CPED1: variants seen among roughly 807,000 people sequenced by gnomAD.
The protein encoded by CPED1 is cadherin like and PC-esterase domain containing 1.
A neutral mutation model predicts 128.2 loss-of-function variants in CPED1; 114 were observed. That is an observed-to-expected ratio of 0.89 (90% CI 0.76 to 1.04). The LOEUF (loss-of-function observed/expected upper bound fraction) is 1.04. CPED1 is among the 50% of genes least tolerant of loss of function. The pLI is 0.00. For synonymous variants in CPED1, 462 were observed against 426.7 expected (o/e 1.08, Z -1.02); for missense variants, 1,211 against 1,207.1 (o/e 1.00, Z -0.05).
intron 16 of CPED1, among the ~76,000 whole-genome samples, chr7:121,199,713 G>GAAAGAA (rs1797352270): frequency 2.3e-5 from 3 of 132,832 alleles, no homozygotes; most frequent in Middle Eastern, 4.0e-3. Context: ...AAGAAAGAAA[G>GAAAGAA]AAAGAAAAGA....
At chr7:121,173,568 C>T (rs1346665928) in intron 16 of CPED1, among the ~76,000 whole-genome samples, 1 of 152,096 alleles carries the variant, frequency 6.6e-6, no homozygotes, top group Non-Finnish European at 1.5e-5. Flanking sequence ...GATATGATCT[C>T]ATTCTTTTTA....
intron 10 of CPED1, 124 bp from the exon 11 acceptor site, chr7:121,128,258 C>T: frequency 3.2e-6 from 2 of 618,274 alleles, no homozygotes; most frequent in South Asian, 4.1e-5. Context: ...TATTATTTAA[C>T]ATTAATTAGC....
chr7:121,091,781 C>T (rs1794576253), intron 5 of CPED1, among the ~76,000 whole-genome samples: 1 of 152,104 alleles, frequency 6.6e-6, no homozygotes, highest in Non-Finnish European at 1.5e-5. Context: ...CTCATGATTA[C>T]ACTTATATAG....
intron 2 of CPED1, among the ~76,000 whole-genome samples, chr7:120,990,632 A>G (rs1796294982): frequency 1.3e-5 from 2 of 152,322 alleles, no homozygotes; most frequent in Non-Finnish European, 2.9e-5. Flanking sequence ...GTAAAACAGA[A>G]CATGAAGAAA....
chr7:121,039,666 C>T (rs1012630962), intron 3 of CPED1, among the ~76,000 whole-genome samples: 12 of 151,920 alleles, frequency 7.9e-5, no homozygotes, highest in African/African-American at 2.9e-4. Flanking sequence ...CATACCCACA[C>T]ATGTATATAG....
intron 3 of CPED1, among the ~76,000 whole-genome samples, chr7:121,027,899 A>G (rs145511592): frequency 6.6e-6 from 1 of 152,100 alleles, no homozygotes; most frequent in Non-Finnish European, 1.5e-5. Context: ...CTTGTTTAAC[A>G]TTCCACCTCC....
intron 5 of CPED1, among the ~76,000 whole-genome samples, chr7:121,081,661 G>A (rs1441154114): frequency 6.6e-6 from 1 of 152,160 alleles, no homozygotes; most frequent in Non-Finnish European, 1.5e-5. Flanking sequence ...TTGCCCAAAA[G>A]GAGGTACTCT....
intron 18 of CPED1, among the ~76,000 whole-genome samples, chr7:121,248,594 C>CAAAAAAAAAAAAAAAAAAAAACA (rs36015608): frequency 8.4e-6 from 1 of 118,464 alleles, no homozygotes; most frequent in African/African-American, 3.5e-5. Flanking sequence ...CCCTGTGAAA[C>CAAAAAAAAAAAAAAAAAAAAACA]AAAAAAAAAA....
In CPED1 at chr7:120,989,584, C is replaced by T. The variant is rs1796274560; in HGVS notation, c.-38C>T. 4 of 1,602,320 alleles carry T rather than the reference C, an allele frequency of 2.5e-6. No individual in the cohort carries two copies. Among genetic ancestry groups the T allele is most frequent in the Non-Finnish European group, 2.6e-6 (3 of 1,174,928 alleles). On this transcript the variant is annotated 5_prime_UTR_variant, in exon 2 of 23. Coordinates refer to ENST00000310396, the MANE Select transcript of CPED1 (RefSeq NM_024913.5). ...AAAAAATAGCTGCTATGACTTTTCCCGCAACGTGGACAGGGGCCAAGTGAA... is the reference window on the plus strand; with the variant it reads ...AAAAAATAGCTGCTATGACTTTTCCTGCAACGTGGACAGGGGCCAAGTGAA...
chr7:121,271,383 C>T lies in CPED1; in HGVS notation c.2821C>T (p.Arg941Cys), dbSNP rs762096946. The change falls in exon 22 of 23, where the codon CGT becomes TGT. Residue 941 changes from arginine (R) to cysteine (C), a missense_variant. Transcript: ENST00000310396. ...VVDTFTITMG[R>C]YKEFLQGKCG... ...TGACACATTCACTATAACAATGGGG[C>T]GTTACAAAGAGTTTCTACAGGGGAA... 29 of 1,612,430 alleles carry T rather than the reference C, an allele frequency of 1.8e-5. No homozygotes were observed. The Admixed American group carries it at 2.8e-4, about 16-fold the overall frequency.
chr7:121,126,760 T>C (rs1795514589), intron 9 of CPED1, among the ~76,000 whole-genome samples: 2 of 152,150 alleles, frequency 1.3e-5, no homozygotes, highest in African/African-American at 4.8e-5. Context: ...ATAGTTTGTA[T>C]TATGCTTTTT....
At chr7:121,265,997 TA>T (rs1281069515) in intron 18 of CPED1, among the ~76,000 whole-genome samples, 1 of 151,890 alleles carries the variant, frequency 6.6e-6, no homozygotes, top group Non-Finnish European at 1.5e-5. Flanking sequence ...AAACAAGTGG[TA>T]AATATGAGTA....
At chr7:121,075,028 C>A (rs1208080991) in intron 5 of CPED1, among the ~76,000 whole-genome samples, 1 of 152,136 alleles carries the variant, frequency 6.6e-6, no homozygotes, top group Non-Finnish European at 1.5e-5. Flanking sequence ...CTGTGGTACA[C>A]ATCAAGGCAT....
intron 7 of CPED1, among the ~76,000 whole-genome samples, chr7:121,120,288 C>G (rs1169071440): frequency 1.3e-5 from 2 of 152,184 alleles, no homozygotes; most frequent in Admixed American, 1.3e-4. Flanking sequence ...ATTCCAGTCT[C>G]TTAATATCCT....
At chr7:121,141,829 A>T (rs182124346) in intron 15 of CPED1, 144 bp from the exon 16 acceptor site, 325 of 591,158 alleles carry the variant, frequency 5.5e-4, no homozygotes, top group African/African-American at 5.0e-3. Context: ...TTATTTTCAT[A>T]GTTTAGGTTT....
chr7:121,293,448 G>T (rs1289713131), intron 22 of CPED1, among the ~76,000 whole-genome samples: 1 of 152,160 alleles, frequency 6.6e-6, no homozygotes, highest in Non-Finnish European at 1.5e-5. Flanking sequence ...GGACTCCATG[G>T]GGTGGGATCC....
intron 7 of CPED1, among the ~76,000 whole-genome samples, chr7:121,118,514 C>G (rs999326608): frequency 1.4e-5 from 2 of 147,336 alleles, no homozygotes; most frequent in Non-Finnish European, 3.0e-5. Context: ...GAGCTGAGAT[C>G]ACACCACTGT....
chr7:121,095,155 C>T (rs1006604244), intron 5 of CPED1, among the ~76,000 whole-genome samples: 4 of 152,038 alleles, frequency 2.6e-5, no homozygotes, highest in South Asian at 2.1e-4. Context: ...AACAGAAGGT[C>T]GTTTGAGCAT....
intron 3 of CPED1, among the ~76,000 whole-genome samples, chr7:121,020,119 A>G (rs1020874115): frequency 1.5e-4 from 23 of 152,208 alleles, no homozygotes; most frequent in African/African-American, 5.5e-4. Flanking sequence ...CAAATTATGT[A>G]TATTATAATC....
Sources: allele counts gnomAD v4.1 joint callset (sites outside exome capture counted in the v4.1 genomes callset), GRCh38; gene constraint gnomAD v4.1.1; transcripts MANE v1.5; gene names NCBI Gene and HGNC (gene_info 2026-07-23, HGNC 2026-07-21).